Variants in RBM20 observed in about 807,000 individuals in gnomAD.
The protein encoded by RBM20 is RNA-binding protein 20.
Under a neutral mutation model 110.1 loss-of-function variants are expected in RBM20, and 51 were observed. That is an observed-to-expected ratio of 0.46 (90% CI 0.37 to 0.59). The LOEUF (loss-of-function observed/expected upper bound fraction) is 0.59, where lower values mean the gene tolerates loss of function less well. Among genes scored for constraint, RBM20 ranks in the 20% least tolerant of loss-of-function variants. The probability of loss-of-function intolerance (pLI) is 0.00; values close to 1 mark genes in which losing one functional copy is unlikely to be tolerated. For synonymous variants in RBM20, 589 were observed against 618.2 expected (o/e 0.95, Z 0.70); for missense variants, 1,512 against 1,574.9 (o/e 0.96, Z 0.68).
intron 1 of RBM20, among the ~76,000 whole-genome samples, chr10:110,665,823 T>A (rs1312698871): frequency 1.3e-5 from 2 of 152,166 alleles, no homozygotes; most frequent in Non-Finnish European, 2.9e-5. Context: ...TTGATTATGT[T>A]AAAATACAGA....
In RBM20 at chr10:110,797,589, A is replaced by C; in HGVS notation, c.1609A>C (p.Asn537His). Residue 537 changes from asparagine (N) to histidine (H), a missense_variant, in exon 6 of 14, where the codon AAC (asparagine) becomes CAC (histidine). Asn to His is a moderately conservative substitution (Grantham distance 68). Coordinates refer to ENST00000369519, the MANE Select transcript of RBM20 (RefSeq NM_001134363.3). ...AAGCTGCACTGAGAATGACGTCATT[A>C]ACCTGGGGCTGCCCTTTGGAAAGGT... Reference protein sequence around the residue: ...EGSCTENDVINLGLPFGKVTN... With the variant: ...EGSCTENDVIHLGLPFGKVTN... 6.4e-7 allele frequency: 1 copy of C among 1,551,782 alleles called. No individual in the cohort carries two copies. Among genetic ancestry groups the C allele is most frequent in the South Asian group, 1.2e-5 (1 of 84,056 alleles).
At chr10:110,763,751 C>CTTTTTTTTTTTTTTTT (rs56845100) in intron 1 of RBM20, among the ~76,000 whole-genome samples, 5 of 64,394 alleles carry the variant, frequency 7.8e-5, no homozygotes, top group Admixed American at 1.7e-4. Context: ...GGCTTCTTGG[C>CTTTTTTTTTTTTTTTT]TTTTTTTTTT....
rs555868931 is a variant in RBM20 at position 110,752,983 on chromosome 10, G to C, written c.192-27818G>C. Among the ~76,000 whole-genome samples, 102 of 137,400 alleles carry C rather than the reference G, an allele frequency of 7.4e-4. 1 individual carries two copies. Among genetic ancestry groups the C allele is most frequent in the African/African-American group, 2.9e-3 (98 of 34,314 alleles). The allele number at this position is 137,400 out of a possible 152,430, so 90.1% of individuals were successfully genotyped here. A position where few individuals can be genotyped will look rare whatever the true frequency, so the allele number is the denominator to read the frequency against. On this transcript the variant is annotated intron_variant, in intron 1 of 13. Coordinates refer to ENST00000369519, the MANE Select transcript of RBM20 (RefSeq NM_001134363.3). ...TTATGAAGTCTCCCTCTGTTGCCCA[G>C]GCTGGAGTGCAGCAGTGAGATCTCG...
chr10:110,802,498 G>T (rs959024025), intron 7 of RBM20, among the ~76,000 whole-genome samples: 1 of 151,958 alleles, frequency 6.6e-6, no homozygotes, highest in Non-Finnish European at 1.5e-5. Flanking sequence ...TTCCCTGGGG[G>T]CTGGAATTGA....
At chr10:110,769,139 T>G (rs1305631850) in intron 1 of RBM20, among the ~76,000 whole-genome samples, 1 of 152,236 alleles carries the variant, frequency 6.6e-6, no homozygotes, top group African/African-American at 2.4e-5. Flanking sequence ...GTGCCTGGGT[T>G]GAGTCAATCT....
At chr10:110,755,914 G>A (rs552508491) in intron 1 of RBM20, among the ~76,000 whole-genome samples, 1 of 152,360 alleles carries the variant, frequency 6.6e-6, no homozygotes, top group South Asian at 2.1e-4. Context: ...CTGCCCTGGA[G>A]TGGCCACCAT....
chr10:110,701,124 A>G (rs994205897), intron 1 of RBM20, among the ~76,000 whole-genome samples: 2 of 152,216 alleles, frequency 1.3e-5, no homozygotes, highest in African/African-American at 4.8e-5. Flanking sequence ...TTTAAATGTG[A>G]AAACTGATGC....
chr10:110,777,547 T>C (rs1844282011), intron 1 of RBM20, among the ~76,000 whole-genome samples: 1 of 152,214 alleles, frequency 6.6e-6, no homozygotes, highest in African/African-American at 2.4e-5. Flanking sequence ...GAAAATTTCC[T>C]AGTCAAAGCA....
At chr10:110,730,266 G>T (rs1175044863) in intron 1 of RBM20, among the ~76,000 whole-genome samples, 1 of 152,226 alleles carries the variant, frequency 6.6e-6, no homozygotes, top group Non-Finnish European at 1.5e-5. Context: ...TCGGACTTCT[G>T]TTCTCCTGAC....
At chr10:110,829,556 T>TTCCCTCCCATC (rs1845022655) in intron 12 of RBM20, among the ~76,000 whole-genome samples, 1 of 152,136 alleles carries the variant, frequency 6.6e-6, no homozygotes, top group Non-Finnish European at 1.5e-5. Flanking sequence ...GGCTCCCTCC[T>TTCCCTCCCATC]TCCCTCCCAT....
At chr10:110,684,329 G>T (rs1046367397) in intron 1 of RBM20, among the ~76,000 whole-genome samples, 3 of 152,142 alleles carry the variant, frequency 2.0e-5, no homozygotes, top group African/African-American at 7.2e-5. Flanking sequence ...GGGAGGCAGA[G>T]GTTGCAGTGA....
chr10:110,761,981 C>T (rs1270063049), intron 1 of RBM20, among the ~76,000 whole-genome samples: 2 of 152,190 alleles, frequency 1.3e-5, no homozygotes, highest in Admixed American at 6.5e-5. Flanking sequence ...TCGAGGCCTG[C>T]GGATCACCTG....
intron 1 of RBM20, among the ~76,000 whole-genome samples, chr10:110,776,424 G>C (rs1232831907): frequency 4.6e-5 from 7 of 152,182 alleles, no homozygotes; most frequent in Non-Finnish European, 8.8e-5. Context: ...AGCCTCACTG[G>C]ACTACGGTCA....
chr10:110,671,996 T>C (rs1211854762), intron 1 of RBM20, among the ~76,000 whole-genome samples: 1 of 152,188 alleles, frequency 6.6e-6, no homozygotes, highest in Non-Finnish European at 1.5e-5. Context: ...CACTTAGCTC[T>C]GAAGACTTCA....
chr10:110,665,445 G>A (rs986129030), intron 1 of RBM20, among the ~76,000 whole-genome samples: 2 of 152,220 alleles, frequency 1.3e-5, no homozygotes, highest in South Asian at 2.1e-4. Flanking sequence ...AAATGATATC[G>A]GGCAGATGAA....
chr10:110,834,486 G>C (rs868145473), intron 13 of RBM20, among the ~76,000 whole-genome samples: 2 of 152,222 alleles, frequency 1.3e-5, no homozygotes, highest in African/African-American at 4.8e-5. Context: ...GGCCTCTGAG[G>C]CTGGGAGAAG....
chr10:110,740,774 A>AT (rs1843717127), intron 1 of RBM20, among the ~76,000 whole-genome samples: 1 of 152,182 alleles, frequency 6.6e-6, no homozygotes, highest in African/African-American at 2.4e-5. Flanking sequence ...GTGTGAAAAC[A>AT]TACAAAGACA....
rs1414622901 is a variant in RBM20, at chr10:110,644,675, G to A, written c.191+30G>A. On this transcript the variant is annotated intron_variant, in intron 1 of 13. Coordinates refer to ENST00000369519, the MANE Select transcript of RBM20 (RefSeq NM_001134363.3). The surrounding 1 kb of genome is among the most constrained non-coding windows in gnomAD (Gnocchi z 4.3). ...GAAGGGAGAAGGGAACAGGGACCAC[G>A]GGTGCGCCTGGGGACACGCCCCGAG... 4 of 1,410,462 alleles carry A rather than the reference G, an allele frequency of 2.8e-6. No individual in the cohort carries two copies. The highest frequency in any genetic ancestry group is 1.9e-6 in the Non-Finnish European group (2 of 1,075,386). The allele number at this position is 1,410,462 out of a possible 1,614,324, so 87.4% of individuals were successfully genotyped here.
chr10:110,673,427 G>A (rs186248623), intron 1 of RBM20, among the ~76,000 whole-genome samples: 3 of 152,108 alleles, frequency 2.0e-5, no homozygotes, highest in African/African-American at 4.8e-5. Context: ...GGCCAGGCTG[G>A]TCTCAAACTC....
Sources: allele counts gnomAD v4.1 joint callset (sites outside exome capture counted in the v4.1 genomes callset), GRCh38; gene constraint gnomAD v4.1.1; non-coding constraint Gnocchi (gnomAD v3.1); transcripts MANE v1.5; gene names NCBI Gene and HGNC (gene_info 2026-07-23, HGNC 2026-07-21).